Variants in ECRG4 observed in about 807,000 individuals in gnomAD.
ECRG4 encodes ECRG4 augurin precursor.
ECRG4 carries 18 observed loss-of-function variants against 15.8 expected under a neutral mutation model. That is an observed-to-expected ratio of 1.14 (90% CI 0.79 to 1.69). The LOEUF (loss-of-function observed/expected upper bound fraction) is 1.69, where lower values mean the gene tolerates loss of function less well. Ranked by LOEUF, ECRG4 falls within the 40% of genes most tolerant of loss-of-function variation. The probability of loss-of-function intolerance (pLI) is 0.00; values close to 1 mark genes in which losing one functional copy is unlikely to be tolerated. For missense variants in ECRG4, 200 were observed against 190.9 expected, an observed-to-expected ratio of 1.05 and a Z score of -0.28; for synonymous variants, 82 against 73.9, an observed-to-expected ratio of 1.11 and a Z score of -0.56.
intron 1 of ECRG4, 73 bp downstream of exon 1, chr2:106,065,916 C>A: frequency 7.7e-7 from 1 of 1,299,558 alleles, no homozygotes; most frequent in Non-Finnish European, 1.0e-6. Context: ...CCATGGTGCC[C>A]GGGGAGAGCG....
In ECRG4 at chr2:106,075,727, A is replaced by T. The variant is rs182202038; in HGVS notation, c.285+1684A>T. On this transcript the variant is annotated intron_variant, in intron 3 of 3. Transcript: ENST00000238044. The stretch of plus-strand genomic sequence containing the variant: ...ACAGAATGAGACTCCGTCTCAAAAA[A>T]GAAAAAAAAAAGAGAGTTTAACATG... Among the ~76,000 whole-genome samples, 1,377 of 152,024 alleles carry T rather than the reference A, an allele frequency of 9.1e-3. 19 individuals carry two copies. Among genetic ancestry groups the T allele is most frequent in the African/African-American group, 0.031 (1,298 of 41,292 alleles).
At chr2:106,069,273 CT>C (rs1435026636) in intron 1 of ECRG4, among the ~76,000 whole-genome samples, 2 of 121,872 alleles carry the variant, frequency 1.6e-5, no homozygotes, top group East Asian at 2.2e-4. Flanking sequence ...CTTTTTCTTT[CT>C]TTCTTTTTCT....
chr2:106,071,371 GAAAAT>G (rs1462411321), intron 1 of ECRG4, among the ~76,000 whole-genome samples: 298 of 107,884 alleles, frequency 2.8e-3, no homozygotes, highest in African/African-American at 7.6e-3. Flanking sequence ...GAAAAGAAAA[GAAAAT>G]AAAAAAAAAA....
Position 106,077,753 on chromosome 2 carries a change from C to T in ECRG4, c.286-12C>T, listed in dbSNP as rs751253545. 1 of 1,613,008 alleles carries T rather than the reference C, an allele frequency of 6.2e-7. No individual in the cohort carries two copies. Among genetic ancestry groups the T allele is most frequent in the South Asian group, 1.1e-5 (1 of 90,970 alleles). On this transcript the variant is annotated splice_polypyrimidine_tract_variant and intron_variant, in intron 3 of 3. Coordinates refer to ENST00000238044, the MANE Select transcript of ECRG4 (RefSeq NM_032411.3). Reference sequence around the variant, plus strand: ...AAATCCATTCTCTATCATTCTCTCTCTTTTCCTCCAGAAATTTGAAGATGA... The same window carrying T: ...AAATCCATTCTCTATCATTCTCTCTTTTTTCCTCCAGAAATTTGAAGATGA...
chr2:106,069,228 C>CTTTCTTTTTTCTTTCTTTCTTTCTCTTT lies in ECRG4; in HGVS notation c.80-2616_80-2615insTTTCTTTTTTCTTTCTTTCTTTCTCTTT, dbSNP rs1676301043. Among the ~76,000 whole-genome samples the CTTTCTTTTTTCTTTCTTTCTTTCTCTTT allele has an allele frequency of 1.2e-3, 172 of 137,734 alleles. 2 individuals carry two copies. The highest frequency in any genetic ancestry group is 4.4e-3 in the African/African-American group (155 of 35,490). 90.4% of individuals were successfully genotyped at this position (137,734 alleles called of 152,430 possible). On this transcript the variant is annotated intron_variant, in intron 1 of 3. Transcript: ENST00000238044. ...TTTTATTTTCTTTTCTTTCTTCTTT[C>CTTTCTTTTTTCTTTCTTTCTTTCTCTTT]CTTCTTTCTTTTCTTTCTTTCTTCT...
chr2:106,074,340 T>C, intron 3 of ECRG4: 1 of 307,792 alleles, frequency 3.2e-6, no homozygotes, highest in Non-Finnish European at 6.1e-6. Context: ...CCCTTTTAAC[T>C]TGGCTGAACA....
chr2:106,072,902 C>G (rs1237021732), intron 2 of ECRG4, among the ~76,000 whole-genome samples: 1 of 152,254 alleles, frequency 6.6e-6, no homozygotes, highest in African/African-American at 2.4e-5. Context: ...GCAGTCACAA[C>G]TCCTTGGTGT....
intron 1 of ECRG4, chr2:106,070,913 A>C (rs946801998): frequency 1.7e-5 from 8 of 471,302 alleles, no homozygotes; most frequent in African/African-American, 1.4e-4. Context: ...CTCACTACTT[A>C]CGATGTCATG....
At chr2:106,076,245 TG>T (rs563099597) in intron 3 of ECRG4, among the ~76,000 whole-genome samples, 3 of 151,738 alleles carry the variant, frequency 2.0e-5, no homozygotes, top group African/African-American at 7.3e-5. Flanking sequence ...TTGAACCTGG[TG>T]GGGGGTGGAG....
chr2:106,065,205 C>T (rs896386359), upstream of ECRG4, among the ~76,000 whole-genome samples: 3 of 152,016 alleles, frequency 2.0e-5, no homozygotes, highest in African/African-American at 7.2e-5. Flanking sequence ...ACTTTACAAA[C>T]CAGGCAGAAG....
chr2:106,075,823 CTT>C (rs546413798), intron 3 of ECRG4, among the ~76,000 whole-genome samples: 10 of 152,180 alleles, frequency 6.6e-5, no homozygotes, highest in Non-Finnish European at 1.2e-4. Context: ...ATTACAGTAA[CTT>C]AATATGCATT....
At chr2:106,068,958 C>G (rs1676281816) in intron 1 of ECRG4, among the ~76,000 whole-genome samples, 1 of 152,206 alleles carries the variant, frequency 6.6e-6, no homozygotes, top group Non-Finnish European at 1.5e-5. Context: ...CTCTTAATCT[C>G]AAACCCCCCA....
At chr2:106,077,704 G>T in intron 3 of ECRG4, 61 bp from the exon 4 acceptor site, 2 of 1,460,174 alleles carry the variant, frequency 1.4e-6, no homozygotes, top group Non-Finnish European at 1.9e-6. Flanking sequence ...GGTAAGATTA[G>T]GTCTTAGGGG....
rs540488093 is a variant in ECRG4, at chr2:106,072,251, A to C, written c.127+360A>C. ...GTTGGTGGGGCAGGCGTGGAACAGCAGTGTTGCGGTAGTCCGTGTATCCAA... is the reference window on the plus strand; with the variant it reads ...GTTGGTGGGGCAGGCGTGGAACAGCCGTGTTGCGGTAGTCCGTGTATCCAA... On this transcript the variant is annotated intron_variant, in intron 2 of 3. Transcript: ENST00000238044. The C allele has an allele frequency of 2.6e-5, 5 of 188,816 alleles. No homozygotes were observed. The East Asian group carries it at 6.6e-4, about 25-fold the overall frequency. 11.7% of individuals were successfully genotyped at this position (188,816 alleles called of 1,614,324 possible).
In ECRG4 at chr2:106,078,089, C is replaced by G. The variant is rs573347779; in HGVS notation, c.*163C>G. 2.0e-6 allele frequency: 1 copy of G among 495,636 alleles called. No individual in the cohort carries two copies. The highest frequency in any genetic ancestry group is 2.0e-5 in the African/African-American group (1 of 50,684). The allele number at this position is 495,636 out of a possible 1,614,324, so 30.7% of individuals were successfully genotyped here. A position where few individuals can be genotyped will look rare whatever the true frequency, so the allele number is the denominator to read the frequency against. On this transcript the variant is annotated 3_prime_UTR_variant, in exon 4 of 4. Transcript: ENST00000238044. ...GAGTTAAAACAACACATGTAAATGC[C>G]TTTTGATATTTCATGGGAATGCCTC...
At chr2:106,069,208 T>A (rs550716465) in intron 1 of ECRG4, among the ~76,000 whole-genome samples, 15 of 146,098 alleles carry the variant, frequency 1.0e-4, no homozygotes, top group Middle Eastern at 3.6e-3. Flanking sequence ...TTCTTTTTTA[T>A]TTTCTTTTCT....
At chr2:106,065,090 C>T (rs1676174241), upstream of ECRG4, among the ~76,000 whole-genome samples, 1 of 152,128 alleles carries the variant, frequency 6.6e-6, no homozygotes, top group East Asian at 1.9e-4. Context: ...ATTTCCCGGA[C>T]TGCAGCTCTG....
In ECRG4 at chr2:106,075,910, C is replaced by T. The variant is rs191877278; in HGVS notation, c.286-1855C>T. Reference sequence around the variant, plus strand: ...AGGAATATGATCTTCTTTTTCTATGCTCTTCTCTCACATACAGATTTTAAA... The same window carrying T: ...AGGAATATGATCTTCTTTTTCTATGTTCTTCTCTCACATACAGATTTTAAA... On this transcript the variant is annotated intron_variant, in intron 3 of 3. Coordinates refer to ENST00000238044, the MANE Select transcript of ECRG4 (RefSeq NM_032411.3). 3.3e-5 allele frequency among the ~76,000 whole-genome samples: 5 copies of T among 152,298 alleles called. No individual in the cohort carries two copies. The East Asian group carries it at 5.8e-4, about 18-fold the overall frequency.
At chr2:106,073,662 C>G (rs1320708465) in intron 2 of ECRG4, among the ~76,000 whole-genome samples, 1 of 152,176 alleles carries the variant, frequency 6.6e-6, no homozygotes, top group Non-Finnish European at 1.5e-5. Flanking sequence ...AAGTTTAGTC[C>G]ATGCCCCTTT....
Sources: allele counts gnomAD v4.1 joint callset (sites outside exome capture counted in the v4.1 genomes callset), GRCh38; gene constraint gnomAD v4.1.1; transcripts MANE v1.5; gene names NCBI Gene and HGNC (gene_info 2026-07-23, HGNC 2026-07-21).